Variants in NEK6 observed in about 807,000 individuals in gnomAD.
The protein encoded by NEK6 is serine/threonine-protein kinase Nek6.
In NEK6, 27 loss-of-function variants were observed where a neutral mutation model predicts 43.5. The ratio of observed to expected loss-of-function variants is 0.62; its 90% CI spans 0.46 to 0.86. The LOEUF (loss-of-function observed/expected upper bound fraction) is 0.86, where lower values mean the gene tolerates loss of function less well. Ranked by LOEUF, NEK6 falls within the 40% of genes least tolerant of loss-of-function variation. The probability of loss-of-function intolerance (pLI) is 0.00; values close to 1 mark genes in which losing one functional copy is unlikely to be tolerated. For missense variants in NEK6, 318 were observed against 414.4 expected (o/e 0.77, Z 2.02); for synonymous variants, 167 against 164.1 (o/e 1.02, Z -0.14).
chr9:124,270,705 G>A (rs762086840), intron 1 of NEK6, among the ~76,000 whole-genome samples: 2 of 152,356 alleles, frequency 1.3e-5, no homozygotes, highest in Non-Finnish European at 2.9e-5. Context: ...GGCCCCTGCT[G>A]CAGGTAACGG....
At chr9:124,270,074 C>T (rs757701216) in intron 1 of NEK6, among the ~76,000 whole-genome samples, 66 of 152,254 alleles carry the variant, frequency 4.3e-4, no homozygotes, top group African/African-American at 1.0e-3. Context: ...TCCACGCCCC[C>T]CCCCCATGCT....
intron 1 of NEK6, among the ~76,000 whole-genome samples, chr9:124,272,371 G>A (rs1333544969): frequency 6.6e-6 from 1 of 152,242 alleles, no homozygotes; most frequent in African/African-American, 2.4e-5. Flanking sequence ...CACAGGGCTG[G>A]TGCTGTGGTT....
chr9:124,336,933 C>T (rs184423772), intron 7 of NEK6, among the ~76,000 whole-genome samples: 10 of 151,794 alleles, frequency 6.6e-5, no homozygotes, highest in East Asian at 1.9e-4. Context: ...CACTTCAACC[C>T]GGAAGGCAGA....
intron 1 of NEK6, among the ~76,000 whole-genome samples, chr9:124,268,101 A>C (rs921528658): frequency 6.6e-6 from 1 of 152,172 alleles, no homozygotes; most frequent in Non-Finnish European, 1.5e-5. Context: ...AAATTTCAGG[A>C]CATATGGTCA....
chr9:124,286,024 G>A (rs1180154924), intron 1 of NEK6, among the ~76,000 whole-genome samples: 1 of 152,202 alleles, frequency 6.6e-6, no homozygotes, highest in Non-Finnish European at 1.5e-5. Flanking sequence ...AGTCATTGGG[G>A]CAGCCAAGGC....
At chr9:124,311,891 T>C (rs748765768) in intron 2 of NEK6, among the ~76,000 whole-genome samples, 5 of 152,180 alleles carry the variant, frequency 3.3e-5, no homozygotes, top group Non-Finnish European at 5.9e-5. Context: ...GGTTTCGCCA[T>C]GTTGGCCAGG....
At chr9:124,288,746 G>A (rs1406832966) in intron 1 of NEK6, among the ~76,000 whole-genome samples, 1 of 152,138 alleles carries the variant, frequency 6.6e-6, no homozygotes, top group African/African-American at 2.4e-5. Context: ...GCAAAGGGAT[G>A]ACCCTGGGAC....
intron 8 of NEK6, among the ~76,000 whole-genome samples, chr9:124,340,709 A>G (rs1215373098): frequency 6.6e-6 from 1 of 152,214 alleles, no homozygotes. Context: ...AAAGAACTTC[A>G]GTCTCAGCTG....
chr9:124,258,115 G>A, intron 1 of NEK6, 30 bp downstream of exon 1: 6 of 978,854 alleles, frequency 6.1e-6, no homozygotes, highest in Non-Finnish European at 7.3e-6. Context: ...GGCCGGGCCG[G>A]TGGGGCCCCG....
At chr9:124,294,066 A>T (rs1832560494) in intron 1 of NEK6, among the ~76,000 whole-genome samples, 1 of 152,186 alleles carries the variant, frequency 6.6e-6, no homozygotes, top group Non-Finnish European at 1.5e-5. Flanking sequence ...AAGGTCCCAC[A>T]AGAAGTGCCA....
At chr9:124,258,159 G>C (rs1307804347) in intron 1 of NEK6, 74 bp downstream of exon 1, 1 of 976,824 alleles carries the variant, frequency 1.0e-6, no homozygotes, top group Non-Finnish European at 1.2e-6. Context: ...GGGCGGCGGG[G>C]CCGTCACCCC....
Position 124,324,598 on chromosome 9 carries a change from A to G in NEK6, c.406-1732A>G, listed in dbSNP as rs1834241788. On this transcript the variant is annotated intron_variant, in intron 5 of 9. Coordinates refer to ENST00000320246, the MANE Select transcript of NEK6 (RefSeq NM_014397.6). The surrounding 1 kb of genome is among the most constrained non-coding windows in gnomAD (Gnocchi z 5.3). ...TGTAATGAGGATTCACTCACATCAC[A>G]GCGTGAATAACATCCCGGCCTGGCC... Among the ~76,000 whole-genome samples, 1 of 152,196 alleles carries G rather than the reference A, an allele frequency of 6.6e-6. No homozygotes were observed. Among genetic ancestry groups the G allele is most frequent in the South Asian group, 2.1e-4 (1 of 4,832 alleles).
intron 4 of NEK6, among the ~76,000 whole-genome samples, chr9:124,318,852 G>T (rs951098287): frequency 1.3e-5 from 2 of 151,988 alleles, no homozygotes; most frequent in African/African-American, 2.4e-5. Flanking sequence ...TTGTATTTTA[G>T]TAGAGACGGA....
chr9:124,303,892 G>A (rs1159451145), intron 2 of NEK6, among the ~76,000 whole-genome samples: 1 of 152,234 alleles, frequency 6.6e-6, no homozygotes, highest in Non-Finnish European at 1.5e-5. Context: ...TGAGCAATTA[G>A]GGTTAATTAC....
intron 3 of NEK6, among the ~76,000 whole-genome samples, chr9:124,313,048 C>A (rs1347188758): frequency 1.3e-5 from 2 of 152,184 alleles, no homozygotes; most frequent in East Asian, 3.9e-4. Context: ...CTCCACAGTT[C>A]TGGGCTTCCT....
intron 1 of NEK6, chr9:124,261,422 G>A: frequency 1.1e-5 from 11 of 985,498 alleles, no homozygotes; most frequent in Non-Finnish European, 1.3e-5. Context: ...GGAGGGACCT[G>A]GTGAATCATC....
Position 124,326,441 on chromosome 9 carries a change from A to G in NEK6, c.514+3A>G. 1 of 1,603,180 alleles carries G rather than the reference A, an allele frequency of 6.2e-7. No homozygotes were observed. The highest frequency in any genetic ancestry group is 8.5e-7 in the Non-Finnish European group (1 of 1,177,428). ...TTCACGCCGGGTGATGCACCGAGGTACGTGCCACCCGCCAGGAGCCGCCCG... is the reference window on the plus strand; with the variant it reads ...TTCACGCCGGGTGATGCACCGAGGTGCGTGCCACCCGCCAGGAGCCGCCCG... On this transcript the variant is annotated splice_donor_region_variant and intron_variant, in intron 6 of 9. Transcript: ENST00000320246. This position sits in a 1 kb window ranked among gnomAD's most constrained non-coding sequence, Gnocchi z 4.5.
intron 1 of NEK6, among the ~76,000 whole-genome samples, chr9:124,271,922 G>A (rs914401432): frequency 6.6e-5 from 10 of 152,242 alleles, no homozygotes; most frequent in Non-Finnish European, 1.0e-4. Context: ...AGGTGGCAGC[G>A]GCAGAGTTAG....
chr9:124,303,058 G>T (rs1197900909), intron 2 of NEK6, among the ~76,000 whole-genome samples: 1 of 152,218 alleles, frequency 6.6e-6, no homozygotes, highest in Admixed American at 6.5e-5. Flanking sequence ...AACCTTGCGG[G>T]CCTAGGGAGC....
Sources: gnomAD v4.1 joint callset for allele counts (sites outside exome capture counted in the v4.1 genomes callset) on GRCh38, gnomAD v4.1.1 for gene constraint, Gnocchi (gnomAD v3.1) non-coding constraint, MANE v1.5 for transcripts, NCBI Gene and HGNC (gene_info 2026-07-23, HGNC 2026-07-21) for gene names.